Variants in PTPRC observed in about 807,000 individuals in gnomAD.
PTPRC encodes the protein protein tyrosine phosphatase receptor type C.
PTPRC carries 44 observed loss-of-function variants against 155.9 expected under a neutral mutation model. The observed-to-expected ratio is 0.28, with a 90% CI of 0.22 to 0.36. The LOEUF is 0.36. Among genes scored for constraint, PTPRC ranks in the 10% least tolerant of loss-of-function variants. The pLI is 1.00. For synonymous variants in PTPRC, 525 were observed against 533.1 expected (o/e 0.98, Z 0.21); for missense variants, 1,401 against 1,564.6 (o/e 0.90, Z 1.76).
intron 12 of PTPRC, among the ~76,000 whole-genome samples, chr1:198,716,207 T>C (rs1653578574): frequency 6.6e-6 from 1 of 152,238 alleles, no homozygotes; most frequent in African/African-American, 2.4e-5. Flanking sequence ...ATTACTATGA[T>C]AGAATCAACC....
At chr1:198,676,960 A>AT (rs1664990026) in intron 2 of PTPRC, among the ~76,000 whole-genome samples, 1 of 152,268 alleles carries the variant, frequency 6.6e-6, no homozygotes, top group Admixed American at 6.5e-5. Context: ...ATAAAATAAG[A>AT]TTTTGTGTCC....
At chr1:198,694,914 T>C in intron 3 of PTPRC, 1 of 976,122 alleles carries the variant, frequency 1.0e-6, no homozygotes, top group Non-Finnish European at 1.2e-6. Context: ...TAGTTGGCTA[T>C]GCTGGCATGT....
At chr1:198,747,295 C>T (rs571590897) in intron 26 of PTPRC, among the ~76,000 whole-genome samples, 30 of 149,930 alleles carry the variant, frequency 2.0e-4, no homozygotes, top group Middle Eastern at 3.6e-3. Context: ...AGTTGAAGAA[C>T]AGCTTGGCCC....
intron 2 of PTPRC, among the ~76,000 whole-genome samples, chr1:198,687,951 CA>C (rs1665723877): frequency 6.6e-6 from 1 of 151,368 alleles, no homozygotes; most frequent in African/African-American, 2.4e-5. Flanking sequence ...AAAGTGTTAC[CA>C]AAACTAAAAA....
chr1:198,642,283 C>T (rs1157684030), intron 2 of PTPRC, among the ~76,000 whole-genome samples: 2 of 151,950 alleles, frequency 1.3e-5, no homozygotes, highest in East Asian at 3.9e-4. Flanking sequence ...TGTTCATATA[C>T]TTGAACATAT....
intron 2 of PTPRC, among the ~76,000 whole-genome samples, chr1:198,651,015 C>T (rs1253121366): frequency 6.6e-6 from 1 of 151,558 alleles, no homozygotes; most frequent in Non-Finnish European, 1.5e-5. Flanking sequence ...AATATTGTTA[C>T]AAAAGTAATA....
intron 28 of PTPRC, 104 bp downstream of exon 28, chr1:198,749,653 G>A (rs1655292575): frequency 9.1e-7 from 1 of 1,104,064 alleles, no homozygotes; most frequent in South Asian, 1.3e-5. Context: ...TAATGAGCTT[G>A]GTCATAACTA....
At chr1:198,739,229 G>A (rs184985085) in intron 23 of PTPRC, among the ~76,000 whole-genome samples, 2 of 151,560 alleles carry the variant, frequency 1.3e-5, no homozygotes, top group East Asian at 3.9e-4. Flanking sequence ...TTATTTATCA[G>A]TAATAACATT....
chr1:198,712,432 G>A (rs1046010933), intron 11 of PTPRC, among the ~76,000 whole-genome samples: 4 of 152,162 alleles, frequency 2.6e-5, no homozygotes, highest in Non-Finnish European at 5.9e-5. Flanking sequence ...TTATGTGGAT[G>A]TATACATTTG....
At chr1:198,737,034 A>T (rs555147272) in intron 23 of PTPRC, among the ~76,000 whole-genome samples, 1 of 151,562 alleles carries the variant, frequency 6.6e-6, no homozygotes, top group African/African-American at 2.4e-5. Flanking sequence ...TAAAAATCAG[A>T]TTATTAGATT....
chr1:198,650,681 A>T (rs1410906286), intron 2 of PTPRC, among the ~76,000 whole-genome samples: 2 of 151,804 alleles, frequency 1.3e-5, no homozygotes, highest in Non-Finnish European at 2.9e-5. Flanking sequence ...TGGAGACATA[A>T]ACATAGGAGT....
chr1:198,751,116 T>C (rs1655359652), intron 29 of PTPRC, among the ~76,000 whole-genome samples: 1 of 151,974 alleles, frequency 6.6e-6, no homozygotes, highest in African/African-American at 2.4e-5. Flanking sequence ...TGATATTCCA[T>C]GTAACTAAAT....
intron 3 of PTPRC, among the ~76,000 whole-genome samples, chr1:198,696,241 CT>C (rs1048876653): frequency 6.7e-6 from 1 of 148,988 alleles, no homozygotes; most frequent in African/African-American, 2.5e-5. Flanking sequence ...GAAGTTTTGT[CT>C]TTTTTTTCCC....
chr1:198,666,563 G>T (rs1273090288), intron 2 of PTPRC, among the ~76,000 whole-genome samples: 1 of 152,196 alleles, frequency 6.6e-6, no homozygotes, highest in African/African-American at 2.4e-5. Context: ...CTTAATATAT[G>T]ATGTGATATA....
intron 23 of PTPRC, 42 bp downstream of exon 23, chr1:198,735,294 T>A (rs777447442): frequency 1.8e-5 from 26 of 1,439,388 alleles, no homozygotes; most frequent in Non-Finnish European, 2.3e-5. Context: ...GATACTTTTT[T>A]ATAAAAATAT....
chr1:198,731,589 T>TA, intron 17 of PTPRC, 28 bp from the exon 18 acceptor site: 1 of 1,501,644 alleles, frequency 6.7e-7, no homozygotes, highest in Non-Finnish European at 9.3e-7. Context: ...CACATGTAAC[T>TA]AGTATTGAAT....
intron 4 of PTPRC, among the ~76,000 whole-genome samples, 163 bp downstream of exon 4, chr1:198,697,072 C>T (rs1258695549): frequency 2.0e-5 from 3 of 152,040 alleles, no homozygotes; most frequent in Non-Finnish European, 2.9e-5. Context: ...AAATATAGAT[C>T]GACTGAAGTA....
In PTPRC at chr1:198,741,050, C is replaced by T. The variant is rs372094813; in HGVS notation, c.2404-819C>T. ...AACAATCCTATCAATAGTTTCTGGCCAAACACTTGTTTGACTAAGCCACAA... is the reference window on the plus strand; with the variant it reads ...AACAATCCTATCAATAGTTTCTGGCTAAACACTTGTTTGACTAAGCCACAA... On this transcript the variant is annotated intron_variant, in intron 23 of 32. Transcript: ENST00000442510. Among the ~76,000 whole-genome samples, 140 of 151,776 alleles carry T rather than the reference C, an allele frequency of 9.2e-4. 1 individual carries two copies. In the South Asian group the frequency reaches 0.014, roughly 15 times the overall value.
intron 3 of PTPRC, among the ~76,000 whole-genome samples, chr1:198,695,887 C>T (rs1035733033): frequency 1.3e-5 from 2 of 152,062 alleles, no homozygotes; most frequent in African/African-American, 2.4e-5. Flanking sequence ...ATAGGCCAGG[C>T]GTGGTGGCTC....
Sources: allele counts gnomAD v4.1 joint callset (sites outside exome capture counted in the v4.1 genomes callset), GRCh38; gene constraint gnomAD v4.1.1; transcripts MANE v1.5; gene names NCBI Gene and HGNC (gene_info 2026-07-23, HGNC 2026-07-21).